ANXA4: variants seen among roughly 807,000 people sequenced by gnomAD.
The protein encoded by ANXA4 is 35-beta calcimedin.
A neutral mutation model predicts 49.8 loss-of-function variants in ANXA4; 39 were observed. That is an observed-to-expected ratio of 0.78 (90% CI 0.61 to 1.02). ANXA4 has a LOEUF of 1.02. Among genes scored for constraint, ANXA4 ranks in the 50% least tolerant of loss-of-function variants. The pLI is 0.00. For missense variants in ANXA4, 360 were observed against 410.1 expected, an observed-to-expected ratio of 0.88 and a Z score of 1.05; for synonymous variants, 134 against 152.5, an observed-to-expected ratio of 0.88 and a Z score of 0.89.
chr2:69,728,046 T>C (rs1055277180), intron 3 of ANXA4, among the ~76,000 whole-genome samples: 1 of 152,228 alleles, frequency 6.6e-6, no homozygotes, highest in Non-Finnish European at 1.5e-5. Flanking sequence ...AAATAATGTA[T>C]CCTTCTCAGT....
upstream of ANXA4, among the ~76,000 whole-genome samples, chr2:69,740,855 GTT>G (rs10718417): frequency 7.9e-3 from 776 of 98,326 alleles, 5 homozygotes; most frequent in East Asian, 0.026. Flanking sequence ...CTATATATAT[GTT>G]TTTTTTTTTT....
intron 2 of ANXA4, among the ~76,000 whole-genome samples, chr2:69,684,764 A>C (rs1407751286): frequency 6.6e-6 from 1 of 152,000 alleles, no homozygotes; most frequent in Non-Finnish European, 1.5e-5. Flanking sequence ...TGGGGGACAT[A>C]GAGAAAACAG....
intron 3 of ANXA4, among the ~76,000 whole-genome samples, chr2:69,792,211 T>C (rs1672723669): frequency 1.3e-5 from 2 of 152,218 alleles, no homozygotes; most frequent in African/African-American, 4.8e-5. Context: ...AAATAGAATT[T>C]TAGATTACCA....
intron 1 of ANXA4, among the ~76,000 whole-genome samples, chr2:69,762,195 A>G (rs1049052475): frequency 1.7e-4 from 26 of 152,328 alleles, no homozygotes; most frequent in African/African-American, 6.0e-4. Flanking sequence ...AGCTGGTGGC[A>G]CCATATTGGG....
At chr2:69,785,090 T>C (rs1350869535) in intron 2 of ANXA4, among the ~76,000 whole-genome samples, 3 of 152,168 alleles carry the variant, frequency 2.0e-5, no homozygotes, top group African/African-American at 7.2e-5. Context: ...GAAGTCGATG[T>C]CATACATGTC....
intron 4 of ANXA4, among the ~76,000 whole-genome samples, 192 bp downstream of exon 4, chr2:69,804,819 G>A (rs1673371201): frequency 6.6e-6 from 1 of 152,046 alleles, no homozygotes; most frequent in Non-Finnish European, 1.5e-5. Flanking sequence ...ACCGAGGTGG[G>A]TGGATCACTT....
At chr2:69,707,497 T>G (rs1678535443) in intron 2 of ANXA4, among the ~76,000 whole-genome samples, 1 of 152,238 alleles carries the variant, frequency 6.6e-6, no homozygotes, top group African/African-American at 2.4e-5. Flanking sequence ...TGATAATTAT[T>G]TCCTTGCTTT....
At chr2:69,682,420 A>C (rs982485242) in intron 2 of ANXA4, among the ~76,000 whole-genome samples, 5 of 152,052 alleles carry the variant, frequency 3.3e-5, no homozygotes, top group Admixed American at 6.6e-5. Context: ...AAAACATTTA[A>C]TTTTATTTAA....
chr2:69,688,207 T>G (rs1175659880), intron 2 of ANXA4, among the ~76,000 whole-genome samples: 1 of 152,250 alleles, frequency 6.6e-6, no homozygotes, highest in Non-Finnish European at 1.5e-5. Flanking sequence ...CCAGTCTGAA[T>G]TTTTAAAAAT....
intron 1 of ANXA4, among the ~76,000 whole-genome samples, chr2:69,771,683 A>T (rs1161327067): frequency 6.6e-6 from 1 of 152,216 alleles, no homozygotes; most frequent in Non-Finnish European, 1.5e-5. Flanking sequence ...TTTCTAGTTG[A>T]GTCAGCACCT....
chr2:69,707,676 G>A (rs12473009), intron 2 of ANXA4, among the ~76,000 whole-genome samples: 1,754 of 152,268 alleles, frequency 0.012, 84 homozygotes, highest in Admixed American at 0.088. Context: ...CATAACAATC[G>A]CATCATATAA....
chr2:69,802,042 G>A (rs1450665842), intron 3 of ANXA4, among the ~76,000 whole-genome samples: 1 of 152,196 alleles, frequency 6.6e-6, no homozygotes, highest in East Asian at 1.9e-4. Context: ...CATGAATTTG[G>A]CTGCCTAGTG....
In ANXA4 at chr2:69,827,018, A is replaced by G. The variant is rs1674498609; in HGVS notation, c.*1503A>G. 6.6e-6 allele frequency: 1 copy of G among 152,230 alleles called. No individual in the cohort carries two copies. Among genetic ancestry groups the G allele is most frequent in the Non-Finnish European group, 1.5e-5 (1 of 68,042 alleles). The allele number at this position is 152,230 out of a possible 1,614,324, so 9.4% of individuals were successfully genotyped here. ...ACTACTCAATAACATAAAATAATGT[A>G]TGAACTTATTCTCTGGAAATGAGTG... On this transcript the variant is annotated 3_prime_UTR_variant, in exon 13 of 13. Transcript: ENST00000394295.
At chr2:69,815,784 C>T (rs1673960976) in intron 8 of ANXA4, 1 of 282,192 alleles carries the variant, frequency 3.5e-6, no homozygotes, top group Admixed American at 4.6e-5. Flanking sequence ...TTTAAACAGC[C>T]ACATGTGGTT....
At chr2:69,680,015 A>G (rs1350059740) in intron 2 of ANXA4, among the ~76,000 whole-genome samples, 1 of 152,190 alleles carries the variant, frequency 6.6e-6, no homozygotes, top group Non-Finnish European at 1.5e-5. Context: ...CATGAATTTT[A>G]GGATTTTTTC....
chr2:69,692,002 C>A (rs1339060608), intron 2 of ANXA4, among the ~76,000 whole-genome samples: 1 of 152,210 alleles, frequency 6.6e-6, no homozygotes, highest in Non-Finnish European at 1.5e-5. Flanking sequence ...TCTCCCGCCT[C>A]AGCCTCCCAA....
chr2:69,751,830 T>C (rs1046920706), intron 1 of ANXA4, among the ~76,000 whole-genome samples: 3 of 152,110 alleles, frequency 2.0e-5, no homozygotes, highest in Non-Finnish European at 4.4e-5. Flanking sequence ...CTTCAAGAGG[T>C]AGGCAGGAGG....
intron 3 of ANXA4, among the ~76,000 whole-genome samples, chr2:69,725,652 A>AGAGGCTC (rs1669944788): frequency 6.6e-6 from 1 of 152,164 alleles, no homozygotes; most frequent in South Asian, 2.1e-4. Context: ...CATGAGCTGA[A>AGAGGCTC]GAGGCTCAAG....
chr2:69,746,235 C>T (rs999588724), intron 1 of ANXA4, among the ~76,000 whole-genome samples: 2 of 152,090 alleles, frequency 1.3e-5, no homozygotes, highest in African/African-American at 4.8e-5. Context: ...TGGTCTCAAA[C>T]CCCTGACCTC....
Sources: gnomAD v4.1 joint callset for allele counts (sites outside exome capture counted in the v4.1 genomes callset) on GRCh38, gnomAD v4.1.1 for gene constraint, MANE v1.5 for transcripts, NCBI Gene and HGNC (gene_info 2026-07-23, HGNC 2026-07-21) for gene names.